Variants in SHROOM2 observed in about 807,000 individuals in gnomAD.
The protein encoded by SHROOM2 is shroom family member 2.
Under a neutral mutation model 75.9 loss-of-function variants are expected in SHROOM2, and 33 were observed. That is an observed-to-expected ratio of 0.43 (90% CI 0.33 to 0.58). SHROOM2 has a LOEUF of 0.58. Among genes scored for constraint, SHROOM2 ranks in the 20% least tolerant of loss-of-function variants. The probability of loss-of-function intolerance (pLI) is 0.04; values close to 1 mark genes in which losing one functional copy is unlikely to be tolerated. For synonymous variants in SHROOM2, 655 were observed against 663.6 expected (o/e 0.99, Z 0.20); for missense variants, 1,434 against 1,461.2 (o/e 0.98, Z 0.30).
At chrX:9,910,367 C>T (rs2084415958) in intron 5 of SHROOM2, among the ~76,000 whole-genome samples, 1 of 111,442 alleles carries the variant, frequency 9.0e-6, no homozygotes, top group South Asian at 3.8e-4. Flanking sequence ...TATGGGAGCT[C>T]TCGCCTGGCT....
At chrX:9,899,198 G>A (rs1261436228) in intron 5 of SHROOM2, among the ~76,000 whole-genome samples, 12 of 110,266 alleles carry the variant, frequency 1.1e-4, no homozygotes, top group South Asian at 4.0e-4. Flanking sequence ...GGAAGTGGAT[G>A]TTGCAGTGAA....
At position 9,898,226 on chromosome X, in the gene SHROOM2, C is replaced by G; in HGVS notation, c.2827C>G (p.Pro943Ala). 8.4e-7 allele frequency: 1 copy of G among 1,188,010 alleles called. No homozygotes were observed. The highest frequency in any genetic ancestry group is 1.1e-6 in the Non-Finnish European group (1 of 883,572). Residue 943 changes from proline (P) to alanine (A), a missense_variant, in exon 5 of 10, where the codon CCC becomes GCC. Physicochemically the swap from Pro to Ala is conservative, Grantham distance 27 (BLOSUM62 -1). Around this residue, in one of 3 missense-constraint regions of SHROOM2, gnomAD observed 1,340 missense variants for 1,338.3 expected, o/e 1.00. Coordinates refer to ENST00000380913, the MANE Select transcript of SHROOM2 (RefSeq NM_001649.4). ...CGAACTGCGAAGGCAGGCAGGGGACCCCGGCGAGCCCAGAGAAGAGCTTCC... is the reference window on the plus strand; with the variant it reads ...CGAACTGCGAAGGCAGGCAGGGGACGCCGGCGAGCCCAGAGAAGAGCTTCC... ...SVELRRQAGDPGEPREELPSA... is the reference protein window; with the variant it reads ...SVELRRQAGDAGEPREELPSA...
chrX:9,911,989 C>T (rs1428782571), intron 5 of SHROOM2, among the ~76,000 whole-genome samples: 1 of 109,091 alleles, frequency 9.2e-6, no homozygotes, highest in Admixed American at 9.9e-5. Context: ...CCTATAATCC[C>T]AGCACTTTGG....
At chrX:9,830,108 C>T (rs746072616) in intron 1 of SHROOM2, among the ~76,000 whole-genome samples, 23 of 111,527 alleles carry the variant, frequency 2.1e-4, no homozygotes, top group African/African-American at 6.5e-4. Context: ...GACCCCTCAC[C>T]GGAACCTGAT....
intron 5 of SHROOM2, among the ~76,000 whole-genome samples, chrX:9,899,223 C>T (rs916508826): frequency 9.3e-6 from 1 of 108,074 alleles, no homozygotes; most frequent in African/African-American, 3.4e-5. Context: ...GATTGCGCCA[C>T]TGCACTCCAG....
chrX:9,900,450 G>A (rs187022778), intron 5 of SHROOM2, among the ~76,000 whole-genome samples: 2 of 112,288 alleles, frequency 1.8e-5, no homozygotes, highest in East Asian at 5.6e-4. Context: ...TTCAAATAAC[G>A]TAAACATGTC....
At chrX:9,917,992 A>G (rs1184063191) in intron 5 of SHROOM2, among the ~76,000 whole-genome samples, 2 of 111,650 alleles carry the variant, frequency 1.8e-5, no homozygotes, top group Non-Finnish European at 3.8e-5. Context: ...GGGGCTGTCC[A>G]CCTCTCACTT....
At chrX:9,860,469 G>C (rs1314173495) in intron 1 of SHROOM2, among the ~76,000 whole-genome samples, 1 of 111,336 alleles carries the variant, frequency 9.0e-6, no homozygotes, top group Admixed American at 9.6e-5. Context: ...TGTCACCCAG[G>C]CTGCAGTGCA....
chrX:9,789,208 T>C (rs1470310059), intron 1 of SHROOM2, among the ~76,000 whole-genome samples: 1 of 111,769 alleles, frequency 8.9e-6, no homozygotes, highest in East Asian at 2.8e-4. Flanking sequence ...GTGCTGTGTT[T>C]TATGGGCATC....
chrX:9,809,669 G>C (rs1161258795), intron 1 of SHROOM2, among the ~76,000 whole-genome samples: 1 of 112,428 alleles, frequency 8.9e-6, no homozygotes, highest in East Asian at 2.8e-4. Context: ...CTGATATGAA[G>C]TCAATAAATC....
In SHROOM2 at chrX:9,804,086, G is replaced by A. The variant is rs899029667; in HGVS notation, c.165+17376G>A. On this transcript the variant is annotated intron_variant, in intron 1 of 9. Coordinates refer to ENST00000380913, the MANE Select transcript of SHROOM2 (RefSeq NM_001649.4). ...AGATCGTGCCCGGGTTGGGAGGATG[G>A]CACGTTAAATTCTGTGGTGTCTGAT... Among the ~76,000 whole-genome samples the A allele has an allele frequency of 5.4e-4, 60 of 111,860 alleles. 1 individual carries two copies. The highest frequency in any genetic ancestry group is 1.9e-3 in the African/African-American group (60 of 30,825).
chrX:9,926,551 G>C (rs1237028709), intron 5 of SHROOM2, among the ~76,000 whole-genome samples: 2 of 111,142 alleles, frequency 1.8e-5, no homozygotes, highest in Non-Finnish European at 3.8e-5. Context: ...TGTATTGATG[G>C]TATATCGTGC....
At chrX:9,912,175 C>A (rs1281142503) in intron 5 of SHROOM2, among the ~76,000 whole-genome samples, 8 of 85,367 alleles carry the variant, frequency 9.4e-5, no homozygotes, top group South Asian at 7.6e-4. Flanking sequence ...GCCCCCCAAG[C>A]CTTTTGGGGT....
chrX:9,815,432 TTATGTGTGTG>T (rs768259532), intron 1 of SHROOM2, among the ~76,000 whole-genome samples: 8 of 48,388 alleles, frequency 1.7e-4, no homozygotes, highest in Admixed American at 6.1e-4. Context: ...GATATACATA[TTATGTGTGTG>T]TGTGTGTGTG....
At chrX:9,914,596 G>T (rs1177707772) in intron 5 of SHROOM2, among the ~76,000 whole-genome samples, 2 of 110,951 alleles carry the variant, frequency 1.8e-5, no homozygotes, top group Admixed American at 9.6e-5. Flanking sequence ...GACATCCTTG[G>T]ATGTCTGAAG....
Position 9,815,533 on chromosome X carries a change from T to TTA in SHROOM2, c.165+28835_165+28836dup, listed in dbSNP as rs1246524279. The stretch of plus-strand genomic sequence containing the variant: ...TGTATATATCATATATAGAGATCCA[T>TTA]TATATATATATATCCTATATCTATC... On this transcript the variant is annotated intron_variant, in intron 1 of 9. Coordinates refer to ENST00000380913, the MANE Select transcript of SHROOM2 (RefSeq NM_001649.4). 1.5e-3 allele frequency among the ~76,000 whole-genome samples: 157 copies of TTA among 104,282 alleles called. No homozygotes were observed. The Middle Eastern group carries it at 0.02, about 13-fold the overall frequency. 90.6% of individuals were successfully genotyped at this position (104,282 alleles called of 115,157 possible).
chrX:9,896,031 A>T lies in SHROOM2; in HGVS notation c.2123A>T (p.Asp708Val). 2.5e-6 allele frequency: 3 copies of T among 1,210,240 alleles called. No individual in the cohort carries two copies. Among genetic ancestry groups the T allele is most frequent in the Admixed American group, 4.3e-5 (2 of 46,042 alleles). ...KRRDLDPNPG[D>V]LYPESLEHRM... ...CGCGACTTGGACCCCAACCCAGGAG[A>T]CCTATACCCGGAGTCACTGGAACAC... Residue 708 changes from aspartate to valine, a missense_variant, in exon 4 of 10, where the codon GAC becomes GTC. Asp to Val is a radical substitution (Grantham distance 152). This residue lies in a region of SHROOM2 where 1,340 missense variants were observed against 1,338.3 expected (regional missense o/e 1.00). Coordinates refer to ENST00000380913, the MANE Select transcript of SHROOM2 (RefSeq NM_001649.4).
chrX:9,912,844 C>A (rs904745243), intron 5 of SHROOM2: 1 of 112,346 alleles, frequency 8.9e-6, no homozygotes, highest in Admixed American at 9.4e-5. Flanking sequence ...GGTGCAGATT[C>A]CGGCTCGAGC....
intron 1 of SHROOM2, chrX:9,818,451 CT>C: frequency 5.4e-5 from 13 of 238,964 alleles, no homozygotes; most frequent in Admixed American, 2.1e-4. Flanking sequence ...TCTTAAAGGC[CT>C]TTTTCCGACC....
Sources: allele counts gnomAD v4.1 joint callset (sites outside exome capture counted in the v4.1 genomes callset), GRCh38; gene constraint gnomAD v4.1.1; regional missense constraint gnomAD v4.1.1; transcripts MANE v1.5; gene names NCBI Gene and HGNC (gene_info 2026-07-23, HGNC 2026-07-21).